CYP39A1: variants seen among roughly 807,000 people sequenced by gnomAD.
The protein encoded by CYP39A1 is 24-hydroxycholesterol 7-alpha-hydroxylase.
In CYP39A1, 49 loss-of-function variants were observed where a neutral mutation model predicts 58.1. The ratio of observed to expected loss-of-function variants is 0.84; its 90% CI spans 0.67 to 1.07. CYP39A1 has a LOEUF of 1.07. Among genes scored for constraint, CYP39A1 ranks in the 50% least tolerant of loss-of-function variants. The pLI, the probability that CYP39A1 is intolerant of heterozygous loss-of-function variation, is 0.00. For synonymous variants in CYP39A1, 209 were observed against 187.6 expected (o/e 1.11, Z -0.93); for missense variants, 531 against 539.4 (o/e 0.98, Z 0.16).
chr6:46,578,576 A>C (rs570231631), intron 10 of CYP39A1, among the ~76,000 whole-genome samples: 16 of 152,190 alleles, frequency 1.1e-4, no homozygotes, highest in African/African-American at 3.1e-4. Flanking sequence ...AAAAGATCCA[A>C]ATAAACACAA....
At chr6:46,636,619 G>A in intron 4 of CYP39A1, 137 bp from the exon 5 acceptor site, 1 of 624,926 alleles carries the variant, frequency 1.6e-6, no homozygotes, top group East Asian at 2.9e-5. Context: ...ATAATTTCAT[G>A]GAAGGTCTAC....
chr6:46,568,054 T>C (rs918460087), intron 10 of CYP39A1, among the ~76,000 whole-genome samples: 4 of 152,170 alleles, frequency 2.6e-5, no homozygotes, highest in Non-Finnish European at 5.9e-5. Flanking sequence ...TTGACTCATT[T>C]TAGTTGGGTA....
At chr6:46,639,700 G>A (rs1374071294) in intron 2 of CYP39A1, 32 bp from the exon 3 acceptor site, 6 of 1,565,838 alleles carry the variant, frequency 3.8e-6, no homozygotes, top group Non-Finnish European at 5.2e-6. Flanking sequence ...TTCAAAATAA[G>A]CAACAACTCC....
rs541532719 is a variant in CYP39A1, at chr6:46,598,927, T to C, written c.932-2807A>G. Among the ~76,000 whole-genome samples, 11 of 152,308 alleles carry C rather than the reference T, an allele frequency of 7.2e-5. No individual in the cohort carries two copies. In the South Asian group the frequency reaches 2.1e-3, roughly 29 times the overall value. On this transcript the variant is annotated intron_variant, in intron 7 of 11. Coordinates refer to ENST00000275016, the MANE Select transcript of CYP39A1 (RefSeq NM_016593.5). The stretch of plus-strand genomic sequence containing the variant: ...TGCTGATTTACTTTTTATTTATTAT[T>C]ACCGTTACTATTAATGCGAATTTAA...
In CYP39A1 at chr6:46,587,131, G is replaced by C. The variant is rs892414189; in HGVS notation, c.1196C>G (p.Ser399Cys). The stretch of plus-strand genomic sequence containing the variant: ...AAATGCCATGAAGCAGTCCAAGAAA[G>C]AGTGCTTCTCTAAATTTGCCTTTTT... ...RWKKANLEKH[S>C]FLDCFMAFGS... The change falls in exon 10 of 12, where the codon TCT becomes TGT. Residue 399 changes from serine to cysteine, a missense_variant. Physicochemically the swap from Ser to Cys is moderately radical, Grantham distance 112 (BLOSUM62 -1). Coordinates refer to ENST00000275016, the MANE Select transcript of CYP39A1 (RefSeq NM_016593.5). 3.1e-6 allele frequency: 5 copies of C among 1,611,796 alleles called. No individual in the cohort carries two copies. Among genetic ancestry groups the C allele is most frequent in the African/African-American group, 1.3e-5 (1 of 74,876 alleles).
intron 1 of CYP39A1, among the ~76,000 whole-genome samples, chr6:46,647,393 T>C (rs1762388940): frequency 6.6e-6 from 1 of 152,182 alleles, no homozygotes; most frequent in Admixed American, 6.5e-5. Flanking sequence ...AAATATCGCT[T>C]AGAGTGGCTT....
intron 6 of CYP39A1, among the ~76,000 whole-genome samples, chr6:46,628,700 C>G (rs1775469688): frequency 2.0e-5 from 3 of 152,016 alleles, no homozygotes; most frequent in Admixed American, 1.3e-4. Context: ...CAGGCCCCAC[C>G]ACCTACACCT....
At chr6:46,611,836 A>G (rs548446903) in intron 7 of CYP39A1, among the ~76,000 whole-genome samples, 2 of 152,286 alleles carry the variant, frequency 1.3e-5, no homozygotes, top group South Asian at 2.1e-4. Flanking sequence ...TCTGAGTCCA[A>G]ATTTTTGGTT....
At chr6:46,587,008 T>A (rs1299491801) in intron 10 of CYP39A1, 69 bp downstream of exon 10, 1 of 1,050,120 alleles carries the variant, frequency 9.5e-7, no homozygotes, top group Non-Finnish European at 1.4e-6. Flanking sequence ...TAAGCCAAAG[T>A]TGTTCCCCTC....
In CYP39A1 at chr6:46,596,060, C is replaced by T. The variant is rs1773131172; in HGVS notation, c.992G>A (p.Cys331Tyr). The change falls in exon 8 of 12, where the codon TGT becomes TAT. Residue 331 changes from cysteine to tyrosine, a missense_variant. Cys to Tyr is a radical substitution (Grantham distance 194). Coordinates refer to ENST00000275016, the MANE Select transcript of CYP39A1 (RefSeq NM_016593.5). ...DLENLLLIKW[C>Y]VLETIRLKAP... Reference sequence around the variant, plus strand: ...TTTTAAACGAATGGTTTCCAAAACACACCATTTAATTAGAAGGAGATTCTC... The same window carrying T: ...TTTTAAACGAATGGTTTCCAAAACATACCATTTAATTAGAAGGAGATTCTC... 13 of 1,611,166 alleles carry T rather than the reference C, an allele frequency of 8.1e-6. No homozygotes were observed. Among genetic ancestry groups the T allele is most frequent in the Non-Finnish European group, 9.3e-6 (11 of 1,178,176 alleles).
chr6:46,650,383 C>CTTT (rs34431587), intron 1 of CYP39A1, among the ~76,000 whole-genome samples: 7 of 145,938 alleles, frequency 4.8e-5, no homozygotes, highest in Admixed American at 3.4e-4. Flanking sequence ...AGCACTCTGG[C>CTTT]TTTTTTTTTT....
chr6:46,629,184 A>ACTTT (rs1326291700), intron 6 of CYP39A1, among the ~76,000 whole-genome samples: 2 of 152,150 alleles, frequency 1.3e-5, no homozygotes, highest in Non-Finnish European at 2.9e-5. Context: ...ATCATCAGAC[A>ACTTT]CTTTCTTTCT....
intron 5 of CYP39A1, among the ~76,000 whole-genome samples, chr6:46,633,909 C>G (rs924430462): frequency 7.2e-5 from 11 of 152,068 alleles, no homozygotes; most frequent in Non-Finnish European, 1.0e-4. Flanking sequence ...CACACAAGCT[C>G]AGTGTGAACA....
At chr6:46,565,511 T>C (rs1771228238) in intron 10 of CYP39A1, among the ~76,000 whole-genome samples, 2 of 105,082 alleles carry the variant, frequency 1.9e-5, no homozygotes, top group Admixed American at 1.1e-4. Flanking sequence ...AAATGGGAAA[T>C]AAATAAAATA....
intron 8 of CYP39A1, 80 bp downstream of exon 8, chr6:46,595,907 C>A: frequency 7.5e-7 from 1 of 1,331,924 alleles, no homozygotes; most frequent in Admixed American, 2.3e-5. Context: ...CAAGATATGT[C>A]AACCTGAAAA....
At chr6:46,553,090 A>C (rs1331926482) in intron 11 of CYP39A1, among the ~76,000 whole-genome samples, 2 of 151,520 alleles carry the variant, frequency 1.3e-5, no homozygotes, top group African/African-American at 4.8e-5. Context: ...AAAAAAAAAA[A>C]AAAAGGAAAG....
chr6:46,579,613 C>T lies in CYP39A1; in HGVS notation c.1250+7464G>A, dbSNP rs1177453116. Reference sequence around the variant, plus strand: ...ATGATTCTATACCTAGAAAACCCTACTGTCTGTCCCAAATCTCCTAAAACT... The same window carrying T: ...ATGATTCTATACCTAGAAAACCCTATTGTCTGTCCCAAATCTCCTAAAACT... On this transcript the variant is annotated intron_variant, in intron 10 of 11. Transcript: ENST00000275016. 2.0e-5 allele frequency among the ~76,000 whole-genome samples: 3 copies of T among 152,052 alleles called. No homozygotes were observed. The East Asian group carries it at 5.8e-4, about 29-fold the overall frequency.
chr6:46,553,897 T>TATAA, intron 10 of CYP39A1, 43 bp from the exon 11 acceptor site: 1 of 1,253,744 alleles, frequency 8.0e-7, no homozygotes, highest in Non-Finnish European at 1.1e-6. Context: ...GTGAAAGATG[T>TATAA]ATAAATATCT....
At chr6:46,637,293 A>G (rs777322604) in intron 4 of CYP39A1, among the ~76,000 whole-genome samples, 1 of 152,236 alleles carries the variant, frequency 6.6e-6, no homozygotes, top group African/African-American at 2.4e-5. Flanking sequence ...TCTGTTGTTT[A>G]TAAGCCTCCC....
Sources: allele counts gnomAD v4.1 joint callset (sites outside exome capture counted in the v4.1 genomes callset), GRCh38; gene constraint gnomAD v4.1.1; transcripts MANE v1.5; gene names NCBI Gene and HGNC (gene_info 2026-07-23, HGNC 2026-07-21).